MAP4K3: variants seen among roughly 807,000 people sequenced by gnomAD.
The protein encoded by MAP4K3 is mitogen-activated protein kinase kinase kinase kinase 3, also known as MAPK/ERK kinase kinase kinase 3.
MAP4K3 carries 94 observed loss-of-function variants against 143.5 expected under a neutral mutation model. That is an observed-to-expected ratio of 0.65 (90% CI 0.55 to 0.78). The LOEUF (loss-of-function observed/expected upper bound fraction) is 0.78. Ranked by LOEUF, MAP4K3 falls within the 30% of genes least tolerant of loss-of-function variation. MAP4K3 has a pLI of 0.00. For synonymous variants in MAP4K3, 416 were observed against 347.2 expected (o/e 1.20, Z -2.20); for missense variants, 1,077 against 1,068.1 (o/e 1.01, Z -0.12).
intron 15 of MAP4K3, chr2:39,303,097 C>G (rs1394904021): frequency 1.2e-5 from 2 of 166,720 alleles, no homozygotes; most frequent in Non-Finnish European, 2.9e-5. Context: ...AGCAGGAAGT[C>G]AATAGAATTG....
intron 33 of MAP4K3, 60 bp downstream of exon 33, chr2:39,251,770 T>C (rs1378710713): frequency 1.5e-6 from 2 of 1,350,990 alleles, no homozygotes; most frequent in African/African-American, 1.4e-5. Flanking sequence ...GAAATCTGTT[T>C]CATGCTGGAT....
At chr2:39,328,962 C>T (rs1422716083) in intron 8 of MAP4K3, among the ~76,000 whole-genome samples, 3 of 152,102 alleles carry the variant, frequency 2.0e-5, no homozygotes, top group Non-Finnish European at 4.4e-5. Context: ...GAATAACTGC[C>T]GATCTAATCA....
At chr2:39,250,735 C>G in intron 33 of MAP4K3, 30 bp from the exon 34 acceptor site, 5 of 1,577,460 alleles carry the variant, frequency 3.2e-6, no homozygotes, top group Non-Finnish European at 4.3e-6. Context: ...TATAACAAAA[C>G]AAAGTTATTC....
intron 1 of MAP4K3, among the ~76,000 whole-genome samples, chr2:39,395,850 C>G (rs952660652): frequency 1.3e-5 from 2 of 151,998 alleles, no homozygotes; most frequent in African/African-American, 4.8e-5. Flanking sequence ...ATTTCAATTA[C>G]TCTTCAAAAT....
Position 39,396,478 on chromosome 2 carries a change from A to ATTT in MAP4K3, c.97-18358_97-18356dup, listed in dbSNP as rs1056811510. Reference sequence around the variant, plus strand: ...AATGTGCTTTAACTTCAAGCCCCCAATTTTTTTTTTTTTTTTTTTTAAGCA... The same window carrying ATTT: ...AATGTGCTTTAACTTCAAGCCCCCAATTTTTTTTTTTTTTTTTTTTTTTAAGCA... On this transcript the variant is annotated intron_variant, in intron 1 of 33. Coordinates refer to ENST00000263881, the MANE Select transcript of MAP4K3 (RefSeq NM_003618.4). Among the ~76,000 whole-genome samples the ATTT allele has an allele frequency of 6.5e-5, 9 of 138,152 alleles. No homozygotes were observed. In the East Asian group the frequency reaches 8.4e-4, roughly 13 times the overall value. The allele number at this position is 138,152 out of a possible 152,430, so 90.6% of individuals were successfully genotyped here. A position where few individuals can be genotyped will look rare whatever the true frequency, so the allele number is the denominator to read the frequency against.
At position 39,278,504 on chromosome 2, in the gene MAP4K3, CACTG is replaced by C. The variant is rs1435106867; in HGVS notation, c.1715-22_1715-19del. On this transcript the variant is annotated intron_variant, in intron 23 of 33. Coordinates refer to ENST00000263881, the MANE Select transcript of MAP4K3 (RefSeq NM_003618.4). ...GTACTGATCTGAAATAAAAGTAATT[CACTG>C]ACTGATTTTGGTAAATAAAATATTT... 7.2e-7 allele frequency: 1 copy of C among 1,381,260 alleles called. No individual in the cohort carries two copies. Among genetic ancestry groups the C allele is most frequent in the Non-Finnish European group, 1.0e-6 (1 of 993,232 alleles). The allele number at this position is 1,381,260 out of a possible 1,614,324, so 85.6% of individuals were successfully genotyped here.
At chr2:39,268,984 T>C (rs1474122101) in intron 26 of MAP4K3, among the ~76,000 whole-genome samples, 3 of 152,136 alleles carry the variant, frequency 2.0e-5, no homozygotes, top group Admixed American at 1.3e-4. Flanking sequence ...TGGTCTCAAA[T>C]TCCTGAGGCT....
Position 39,288,280 on chromosome 2 carries a change from G to A in MAP4K3, c.1315C>T (p.Pro439Ser). The A allele has an allele frequency of 6.2e-7, 1 of 1,612,702 alleles. No individual in the cohort carries two copies. Among genetic ancestry groups the A allele is most frequent in the Non-Finnish European group, 8.5e-7 (1 of 1,178,982 alleles). ...AKIPPPLPPK[P>S]KSIFIPQEMH... Reference sequence around the variant, plus strand: ...TCCTGTGGTATGAAGATAGACTTAGGCTGAAATAATATAGAAAAAGAGACC... The same window carrying A: ...TCCTGTGGTATGAAGATAGACTTAGACTGAAATAATATAGAAAAAGAGACC... The change falls in exon 20 of 34, where the codon CCT becomes TCT. Residue 439 changes from proline to serine, a missense_variant and splice_region_variant. By Grantham distance (74) the Pro-to-Ser change is moderately conservative (BLOSUM62 -1). Around this residue, in one of 2 missense-constraint regions of MAP4K3, gnomAD observed 864 missense variants for 801.2 expected, o/e 1.08. Transcript: ENST00000263881.
intron 1 of MAP4K3, among the ~76,000 whole-genome samples, chr2:39,396,351 T>C (rs1213651159): frequency 2.0e-5 from 3 of 152,120 alleles, no homozygotes; most frequent in Non-Finnish European, 4.4e-5. Flanking sequence ...CAAGTATTTG[T>C]ATACCAATAG....
chr2:39,373,239 A>G (rs1666129481), intron 2 of MAP4K3, among the ~76,000 whole-genome samples: 1 of 152,244 alleles, frequency 6.6e-6, no homozygotes, highest in South Asian at 2.1e-4. Context: ...ATACCATGAG[A>G]TATTATCTCC....
At chr2:39,415,017 T>C (rs1451541914) in intron 1 of MAP4K3, among the ~76,000 whole-genome samples, 1 of 152,220 alleles carries the variant, frequency 6.6e-6, no homozygotes, top group African/African-American at 2.4e-5. Flanking sequence ...ACCAACAATT[T>C]TTTAGAGAAC....
At chr2:39,315,530 A>T (rs192727925) in intron 12 of MAP4K3, 142 bp from the exon 13 acceptor site, 86 of 524,182 alleles carry the variant, frequency 1.6e-4, no homozygotes, top group South Asian at 2.7e-4. Flanking sequence ...TTTTTTTTTT[A>T]AAAAAGCAAA....
intron 1 of MAP4K3, among the ~76,000 whole-genome samples, chr2:39,424,346 G>C (rs995624505): frequency 2.0e-5 from 3 of 152,118 alleles, no homozygotes; most frequent in Admixed American, 1.3e-4. Flanking sequence ...TTAGAATCAA[G>C]GTGGGAGGGG....
chr2:39,358,217 G>A (rs964806615), intron 2 of MAP4K3, among the ~76,000 whole-genome samples: 3 of 152,144 alleles, frequency 2.0e-5, no homozygotes, highest in Non-Finnish European at 4.4e-5. Context: ...AGTGATCTTT[G>A]TATTGAGCAC....
intron 1 of MAP4K3, among the ~76,000 whole-genome samples, chr2:39,419,876 G>C (rs1667497078): frequency 2.6e-5 from 4 of 152,200 alleles, no homozygotes; most frequent in Admixed American, 2.6e-4. Context: ...TGGAGTTTGT[G>C]GTTTTACTGA....
chr2:39,340,256 C>T (rs1330853992), intron 4 of MAP4K3, among the ~76,000 whole-genome samples: 1 of 152,162 alleles, frequency 6.6e-6, no homozygotes, highest in Non-Finnish European at 1.5e-5. Flanking sequence ...ACGTGTCCTA[C>T]ATGACCGTGC....
chr2:39,369,336 C>T (rs1666018170), intron 2 of MAP4K3, among the ~76,000 whole-genome samples: 1 of 151,796 alleles, frequency 6.6e-6, no homozygotes, highest in African/African-American at 2.4e-5. Flanking sequence ...GCTGGGAATA[C>T]AGGTGCGAGC....
At chr2:39,316,932 CAA>C (rs1264046905) in intron 12 of MAP4K3, among the ~76,000 whole-genome samples, 6 of 151,936 alleles carry the variant, frequency 3.9e-5, no homozygotes, top group Non-Finnish European at 5.9e-5. Flanking sequence ...CACGTGGAAT[CAA>C]AAAAGAGTCC....
intron 33 of MAP4K3, among the ~76,000 whole-genome samples, chr2:39,251,307 T>C (rs750593275): frequency 6.6e-6 from 1 of 152,216 alleles, no homozygotes; most frequent in African/African-American, 2.4e-5. Flanking sequence ...TAGGACAACA[T>C]GAGTAAACAA....
Sources: allele counts gnomAD v4.1 joint callset (sites outside exome capture counted in the v4.1 genomes callset), GRCh38; gene constraint gnomAD v4.1.1; regional missense constraint gnomAD v4.1.1; transcripts MANE v1.5; gene names NCBI Gene and HGNC (gene_info 2026-07-23, HGNC 2026-07-21).